Variants in POLR2B observed in about 807,000 individuals in gnomAD.
The protein encoded by POLR2B is RNA polymerase II subunit B.
POLR2B carries 57 observed loss-of-function variants against 144.6 expected under a neutral mutation model. The ratio of observed to expected loss-of-function variants is 0.39; its 90% CI spans 0.32 to 0.49. The LOEUF (loss-of-function observed/expected upper bound fraction) is 0.49. POLR2B is among the 20% of genes least tolerant of loss of function. The probability of loss-of-function intolerance (pLI) is 0.83; values close to 1 mark genes in which losing one functional copy is unlikely to be tolerated. For synonymous variants in POLR2B, 442 were observed against 469.8 expected (o/e 0.94, Z 0.77); for missense variants, 595 against 1,467.4 (o/e 0.41, Z 9.71).
intron 24 of POLR2B, 147 bp from the exon 25 acceptor site, chr4:57,030,752 C>T: frequency 3.3e-6 from 2 of 605,324 alleles, no homozygotes. Context: ...GAAAGAACCA[C>T]CATAAGCTGA....
intron 7 of POLR2B, among the ~76,000 whole-genome samples, chr4:57,004,219 G>GT (rs1722943905): frequency 6.6e-6 from 1 of 151,198 alleles, no homozygotes; most frequent in African/African-American, 2.4e-5. Flanking sequence ...TAGAGACGGG[G>GT]TTTCACTGTG....
chr4:57,010,546 G>A lies in POLR2B; in HGVS notation c.1548+42G>A. The A allele has an allele frequency of 1.9e-6, 3 of 1,578,996 alleles. No homozygotes were observed. The South Asian group carries it at 3.5e-5, about 18-fold the overall frequency. On this transcript the variant is annotated intron_variant, in intron 11 of 24. Transcript: ENST00000314595. ...TACATTCAGGACAAAAAGTCAGTGGGTAATTATGTAGGGCATAATTACTTT... is the reference window on the plus strand; with the variant it reads ...TACATTCAGGACAAAAAGTCAGTGGATAATTATGTAGGGCATAATTACTTT...
At chr4:56,979,034 G>A (rs1722068043) in intron 1 of POLR2B, 30 bp downstream of exon 1, 1 of 1,611,098 alleles carries the variant, frequency 6.2e-7, no homozygotes, top group Non-Finnish European at 8.5e-7. Flanking sequence ...ACACGCCGTG[G>A]CGGTCCATTT....
rs1209234628 is a variant in POLR2B, at chr4:56,992,464, CAAAAAAAAAAAA to C, written c.243+1583_243+1594del. Among the ~76,000 whole-genome samples, 101 of 17,144 alleles carry C rather than the reference CAAAAAAAAAAAA, an allele frequency of 5.9e-3. 3 individuals are homozygous for C. Among genetic ancestry groups the C allele is most frequent in the South Asian group, 0.024 (4 of 164 alleles). 11.2% of individuals were successfully genotyped at this position (17,144 alleles called of 152,430 possible). On this transcript the variant is annotated intron_variant, in intron 3 of 24. Coordinates refer to ENST00000314595, the MANE Select transcript of POLR2B (RefSeq NM_000938.3). Reference sequence around the variant, plus strand: ...TGGGCGAGAGGTCGAGACTCTGTCTCAAAAAAAAAAAAAAAAAAAAAAAAAAAAGAAAAGAAA... The same window carrying C: ...TGGGCGAGAGGTCGAGACTCTGTCTCAAAAAAAAAAAAAAAAGAAAAGAAA...
chr4:56,990,729 A>T lies in POLR2B; in HGVS notation c.93-19A>T. The T allele has an allele frequency of 6.3e-7, 1 of 1,591,516 alleles. No individual in the cohort carries two copies. Among genetic ancestry groups the T allele is most frequent in the Non-Finnish European group, 8.6e-7 (1 of 1,169,536 alleles). On this transcript the variant is annotated intron_variant, in intron 2 of 24. Coordinates refer to ENST00000314595, the MANE Select transcript of POLR2B (RefSeq NM_000938.3). ...ATTATCACTGAGTTGCAACTGACTGAACTCAAATATTTTCCCAGTTCCTAT... is the reference window on the plus strand; with the variant it reads ...ATTATCACTGAGTTGCAACTGACTGTACTCAAATATTTTCCCAGTTCCTAT...
chr4:56,985,391 G>C, intron 1 of POLR2B: 1 of 985,382 alleles, frequency 1.0e-6, no homozygotes, highest in African/African-American at 1.7e-5. Context: ...GGCGGGCTCG[G>C]TGCTGTGGCG....
chr4:57,014,105 A>T (rs1298825913), intron 13 of POLR2B, among the ~76,000 whole-genome samples: 1 of 152,190 alleles, frequency 6.6e-6, no homozygotes, highest in Non-Finnish European at 1.5e-5. Flanking sequence ...TCCTCCTTAA[A>T]TTACTTTCTA....
chr4:57,001,313 C>T (rs1722847260), intron 7 of POLR2B, among the ~76,000 whole-genome samples: 1 of 152,044 alleles, frequency 6.6e-6, no homozygotes, highest in Admixed American at 6.6e-5. Context: ...CACGTGCCAC[C>T]ACACCTGGCT....
chr4:56,983,598 T>C (rs1713949), intron 1 of POLR2B, among the ~76,000 whole-genome samples: 139,586 of 152,128 alleles, frequency 0.92, 64,039 homozygotes, highest in East Asian at 0.97. Context: ...TCTCAAACTC[T>C]TGGCCTTGTG....
At chr4:56,981,546 T>C (rs770865171) in intron 1 of POLR2B, among the ~76,000 whole-genome samples, 3 of 152,222 alleles carry the variant, frequency 2.0e-5, no homozygotes, top group Non-Finnish European at 4.4e-5. Flanking sequence ...ATAATGATCC[T>C]GTGGAAAAAG....
At chr4:57,019,033 T>C (rs2109706546) in intron 16 of POLR2B, among the ~76,000 whole-genome samples, 1 of 152,344 alleles carries the variant, frequency 6.6e-6, no homozygotes. Flanking sequence ...ATCTTTAGTG[T>C]ATTGTAATGG....
At chr4:57,011,145 A>G (rs1723175662) in intron 13 of POLR2B, 45 bp downstream of exon 13, 5 of 1,212,934 alleles carry the variant, frequency 4.1e-6, no homozygotes, top group Non-Finnish European at 6.1e-6. Flanking sequence ...AGATTTTTAA[A>G]CAAGGCATAG....
intron 2 of POLR2B, among the ~76,000 whole-genome samples, chr4:56,987,956 G>A (rs1188977574): frequency 1.3e-5 from 2 of 151,388 alleles, no homozygotes; most frequent in African/African-American, 4.9e-5. Context: ...AGGTGCTGTG[G>A]TGTGTGCCTA....
chr4:56,981,159 A>G (rs1722146006), intron 1 of POLR2B, among the ~76,000 whole-genome samples: 2 of 152,000 alleles, frequency 1.3e-5, no homozygotes, highest in South Asian at 4.1e-4. Context: ...CTCTTTTTTT[A>G]AAGACAGTAA....
At chr4:57,030,557 T>C (rs1723883153) in intron 24 of POLR2B, among the ~76,000 whole-genome samples, 158 bp downstream of exon 24, 1 of 152,212 alleles carries the variant, frequency 6.6e-6, no homozygotes, top group African/African-American at 2.4e-5. Flanking sequence ...GAAAAGATAA[T>C]TTGATTTTTC....
At chr4:57,021,962 G>C (rs1723566796) in intron 17 of POLR2B, among the ~76,000 whole-genome samples, 190 bp from the exon 18 acceptor site, 1 of 152,180 alleles carries the variant, frequency 6.6e-6, no homozygotes, top group Admixed American at 6.5e-5. Context: ...TTATGGGTCA[G>C]ATGCTACATA....
At chr4:57,012,729 A>C (rs985608584) in intron 13 of POLR2B, among the ~76,000 whole-genome samples, 2 of 152,136 alleles carry the variant, frequency 1.3e-5, no homozygotes, top group South Asian at 4.1e-4. Flanking sequence ...GAGTGTTGCT[A>C]TCTTAGCTCA....
chr4:56,992,546 A>G (rs1578561736), intron 3 of POLR2B, among the ~76,000 whole-genome samples: 1 of 127,838 alleles, frequency 7.8e-6, no homozygotes, highest in Non-Finnish European at 1.6e-5. Context: ...TCAGTATGTG[A>G]TTTTGGCTTA....
intron 2 of POLR2B, among the ~76,000 whole-genome samples, chr4:56,988,816 T>C (rs1335594069): frequency 6.6e-6 from 1 of 152,236 alleles, no homozygotes; most frequent in Non-Finnish European, 1.5e-5. Context: ...GTAGATGTTC[T>C]GTGGAGTGTG....
Sources: allele counts gnomAD v4.1 joint callset (sites outside exome capture counted in the v4.1 genomes callset), GRCh38; gene constraint gnomAD v4.1.1; transcripts MANE v1.5; gene names NCBI Gene and HGNC (gene_info 2026-07-23, HGNC 2026-07-21).